Variants in ABCC8 observed in about 807,000 individuals in gnomAD.
ABCC8 encodes ATP-binding cassette sub-family C member 8.
In ABCC8, 137 loss-of-function variants were observed where a neutral mutation model predicts 188.0. The ratio of observed to expected loss-of-function variants is 0.73; its 90% CI spans 0.63 to 0.84. The LOEUF (loss-of-function observed/expected upper bound fraction) is 0.84, where lower values mean the gene tolerates loss of function less well. Among genes scored for constraint, ABCC8 ranks in the 40% least tolerant of loss-of-function variants. The pLI is 0.00. For missense variants in ABCC8, 1,750 were observed against 2,072.7 expected, an observed-to-expected ratio of 0.84 and a Z score of 3.02; for synonymous variants, 797 against 846.5, an observed-to-expected ratio of 0.94 and a Z score of 1.01.
At chr11:17,405,787 A>T (rs568172657) in intron 26 of ABCC8, among the ~76,000 whole-genome samples, 112 of 152,276 alleles carry the variant, frequency 7.4e-4, no homozygotes, top group Non-Finnish European at 1.3e-3. Flanking sequence ...AGCCCATCTG[A>T]CGACTGCCGC....
intron 11 of ABCC8, among the ~76,000 whole-genome samples, chr11:17,431,207 GC>G (rs1955832290): frequency 6.6e-6 from 1 of 152,234 alleles, no homozygotes; most frequent in South Asian, 2.1e-4. Flanking sequence ...TCCCTGTCCT[GC>G]CCAGTCTTGG....
intron 6 of ABCC8, among the ~76,000 whole-genome samples, chr11:17,457,791 G>T (rs1438292911): frequency 6.6e-6 from 1 of 152,202 alleles, no homozygotes; most frequent in Non-Finnish European, 1.5e-5. Context: ...CATGTTTCTT[G>T]CCAACTCTGA....
intron 36 of ABCC8, 72 bp from the exon 37 acceptor site, chr11:17,394,471 T>C (rs575273078): frequency 3.1e-6 from 5 of 1,610,290 alleles, no homozygotes; most frequent in East Asian, 2.2e-5. Context: ...ATGGGATGGC[T>C]TGGGGGGCTG....
intron 2 of ABCC8, among the ~76,000 whole-genome samples, chr11:17,472,177 T>C (rs1441263506): frequency 6.6e-6 from 1 of 152,242 alleles, no homozygotes; most frequent in Non-Finnish European, 1.5e-5. Context: ...TAACCATAAT[T>C]GAACTAAATA....
intron 29 of ABCC8, 107 bp downstream of exon 29, chr11:17,402,554 G>A (rs765250854): frequency 2.6e-5 from 41 of 1,603,228 alleles, no homozygotes; most frequent in African/African-American, 2.1e-4. Context: ...GAGAGAGAAC[G>A]TGTCCTTGGC....
chr11:17,435,956 T>A, intron 10 of ABCC8: 1 of 1,579,998 alleles, frequency 6.3e-7, no homozygotes, highest in Non-Finnish European at 8.7e-7. Context: ...CTCAAAGCAA[T>A]ACCAGTGCCA....
At chr11:17,447,558 T>C (rs12794627) in intron 8 of ABCC8, among the ~76,000 whole-genome samples, 50,417 of 151,980 alleles carry the variant, frequency 0.33, 8,464 homozygotes, top group Middle Eastern at 0.53. Flanking sequence ...CCCAGGTAGC[T>C]GGGACTAAAG....
chr11:17,448,694 T>C, intron 7 of ABCC8, 23 bp from the exon 8 acceptor site: 3 of 1,614,028 alleles, frequency 1.9e-6, no homozygotes. Context: ...GCAGAGTGTT[T>C]CACATTCATC....
intron 16 of ABCC8, among the ~76,000 whole-genome samples, chr11:17,425,842 C>A (rs1398064237): frequency 6.6e-6 from 1 of 151,888 alleles, no homozygotes; most frequent in East Asian, 1.9e-4. Flanking sequence ...CCTTGCCCCC[C>A]ACCCCCAGAC....
Position 17,397,527 on chromosome 11 carries a change from G to A in ABCC8, c.3867+157C>T, listed in dbSNP as rs17846764. On this transcript the variant is annotated intron_variant, in intron 31 of 38. Transcript: ENST00000389817. ...ACCTGTCTGGGGCCTGGGCCCTGGG[G>A]CCTGCTGGTCAGCCTTCCTGCCCGC... 94,813 of 1,411,932 alleles carry A rather than the reference G, an allele frequency of 0.067. 3,940 individuals carry two copies. The highest frequency in any genetic ancestry group is 0.17 in the Admixed American group (8,469 of 50,526). 87.5% of individuals were successfully genotyped at this position (1,411,932 alleles called of 1,614,324 possible).
At chr11:17,410,736 AG>A in intron 21 of ABCC8, 83 bp from the exon 22 acceptor site, 1 of 1,585,460 alleles carries the variant, frequency 6.3e-7, no homozygotes, top group Non-Finnish European at 8.6e-7. Context: ...AACCCATTAG[AG>A]TTCTATCAAC....
chr11:17,403,078 C>T (rs1164036779), intron 28 of ABCC8, among the ~76,000 whole-genome samples: 2 of 152,214 alleles, frequency 1.3e-5, no homozygotes, highest in African/African-American at 4.8e-5. Context: ...GCTGGGCAGG[C>T]AGTGCTAGTT....
chr11:17,463,690 A>G, intron 3 of ABCC8, 86 bp from the exon 4 acceptor site: 1 of 1,524,484 alleles, frequency 6.6e-7, no homozygotes, highest in South Asian at 1.2e-5. Flanking sequence ...GTGGCAGAGA[A>G]GGAGACAGAA....
intron 29 of ABCC8, among the ~76,000 whole-genome samples, chr11:17,401,004 G>T (rs1954212813): frequency 6.6e-6 from 1 of 152,214 alleles, no homozygotes. Flanking sequence ...CGTGTCAGTA[G>T]GGTGTGGAAG....
Position 17,474,988 on chromosome 11 carries a change from C to T in ABCC8, c.188G>A (p.Ser63Asn). The change falls in exon 2 of 39, where the codon AGC becomes AAC. Residue 63 changes from serine to asparagine, a missense_variant. Ser to Asn is a conservative substitution (Grantham distance 46). Transcript: ENST00000389817. ...GTGCCCAGGGAAATGAAGCCATGTGCTGTGGTGGATGTGCACCTTGGAGCT... is the reference window on the plus strand; with the variant it reads ...GTGCCCAGGGAAATGAAGCCATGTGTTGTGGTGGATGTGCACCTTGGAGCT... ...SQSSKVHIHH[S>N]TWLHFPGHNL... is the part of the protein sequence containing the mutation. 6.2e-7 allele frequency: 1 copy of T among 1,614,202 alleles called. No homozygotes were observed. The highest frequency in any genetic ancestry group is 1.1e-5 in the South Asian group (1 of 91,084).
chr11:17,452,962 T>C (rs1421417903), intron 7 of ABCC8, among the ~76,000 whole-genome samples, 157 bp downstream of exon 7: 2 of 152,184 alleles, frequency 1.3e-5, no homozygotes, highest in Non-Finnish European at 2.9e-5. Flanking sequence ...CACACTGCCT[T>C]GTCAATGGTT....
chr11:17,462,570 A>G (rs1719559200), intron 4 of ABCC8, among the ~76,000 whole-genome samples: 1 of 152,260 alleles, frequency 6.6e-6, no homozygotes, highest in South Asian at 2.1e-4. Flanking sequence ...TAGAAATAAA[A>G]GCAGCAATAC....
In ABCC8 at chr11:17,410,797, C is replaced by T. The variant is rs375034376; in HGVS notation, c.2557-144G>A. ...TAGCTGTGTGGCTTTGGACAACTCA[C>T]CCAACCTCTCTGGGCCTTGGTTACC... On this transcript the variant is annotated intron_variant, in intron 21 of 38. Coordinates refer to ENST00000389817, the MANE Select transcript of ABCC8 (RefSeq NM_000352.6). 111 of 1,349,618 alleles carry T rather than the reference C, an allele frequency of 8.2e-5. No individual in the cohort carries two copies. In the East Asian group the frequency reaches 2.5e-3, roughly 30 times the overall value. 83.6% of individuals were successfully genotyped at this position (1,349,618 alleles called of 1,614,324 possible).
chr11:17,449,890 G>A (rs946465814), intron 7 of ABCC8, among the ~76,000 whole-genome samples: 1 of 152,012 alleles, frequency 6.6e-6, no homozygotes, highest in African/African-American at 2.4e-5. Flanking sequence ...ATATACCATG[G>A]GTAAGGTTTA....
Sources: gnomAD v4.1 joint callset for allele counts (sites outside exome capture counted in the v4.1 genomes callset) on GRCh38, gnomAD v4.1.1 for gene constraint, MANE v1.5 for transcripts, NCBI Gene and HGNC (gene_info 2026-07-23, HGNC 2026-07-21) for gene names.